GTSF1: variants seen among roughly 807,000 people sequenced by gnomAD.
The protein encoded by GTSF1 is gametocyte specific factor 1.
A neutral mutation model predicts 28.9 loss-of-function variants in GTSF1; 11 were observed. The ratio of observed to expected loss-of-function variants is 0.38; its 90% CI spans 0.24 to 0.63. The LOEUF (loss-of-function observed/expected upper bound fraction) is 0.63, where lower values mean the gene tolerates loss of function less well. Ranked by LOEUF, GTSF1 falls within the 30% of genes least tolerant of loss-of-function variation. The pLI, the probability that GTSF1 is intolerant of heterozygous loss-of-function variation, is 0.56. For missense variants in GTSF1, 146 were observed against 201.0 expected (o/e 0.73, Z 1.66); for synonymous variants, 69 against 65.6 (o/e 1.05, Z -0.25).
intron 2 of GTSF1, among the ~76,000 whole-genome samples, chr12:54,470,513 C>T (rs1447290200): frequency 1.3e-5 from 2 of 152,140 alleles, no homozygotes; most frequent in Admixed American, 1.3e-4. Context: ...TTAGTTGGAA[C>T]TTTTAATTAT....
rs539043324 is a variant in GTSF1, at chr12:54,461,442, G to C, written c.392+667C>G. On this transcript the variant is annotated intron_variant, in intron 6 of 8. Coordinates refer to ENST00000305879, the MANE Select transcript of GTSF1 (RefSeq NM_144594.3). ...ATGAGCAACACTTTGGGAGGCAGAGGGGGGAGGATCACTTGAGGCCAGAAG... is the reference window on the plus strand; with the variant it reads ...ATGAGCAACACTTTGGGAGGCAGAGCGGGGAGGATCACTTGAGGCCAGAAG... Among the ~76,000 whole-genome samples the C allele has an allele frequency of 1.4e-4, 21 of 152,130 alleles. No homozygotes were observed. The South Asian group carries it at 1.5e-3, about 11-fold the overall frequency.
chr12:54,469,584 A>G (rs1956568727), intron 2 of GTSF1, among the ~76,000 whole-genome samples: 2 of 150,360 alleles, frequency 1.3e-5, no homozygotes, highest in South Asian at 4.2e-4. Context: ...GCTACTCAGG[A>G]AGCTGAGGCA....
intron 2 of GTSF1, among the ~76,000 whole-genome samples, chr12:54,468,572 TA>T (rs1474062551): frequency 7.9e-5 from 12 of 152,254 alleles, no homozygotes; most frequent in African/African-American, 2.7e-4. Flanking sequence ...GAAGTAGGTC[TA>T]TTTGACAAGC....
chr12:54,468,383 A>G (rs1406020519), intron 2 of GTSF1, among the ~76,000 whole-genome samples: 1 of 152,138 alleles, frequency 6.6e-6, no homozygotes. Context: ...AGCCTCCCAA[A>G]GTGGTGGGAT....
chr12:54,460,509 T>C, intron 6 of GTSF1, 38 bp from the exon 7 acceptor site: 1 of 1,411,538 alleles, frequency 7.1e-7, no homozygotes, highest in East Asian at 2.3e-5. Context: ...GGCAGATCAG[T>C]ATCATTCAAG....
At chr12:54,469,895 A>G (rs1445960012) in intron 2 of GTSF1, among the ~76,000 whole-genome samples, 1 of 152,032 alleles carries the variant, frequency 6.6e-6, no homozygotes, top group African/African-American at 2.4e-5. Flanking sequence ...TAAGAAGGCT[A>G]GGTGTGGTGG....
chr12:54,459,805 C>A (rs1956393060), intron 7 of GTSF1, among the ~76,000 whole-genome samples: 1 of 140,690 alleles, frequency 7.1e-6, no homozygotes, highest in Non-Finnish European at 1.5e-5. Flanking sequence ...CGGCTCACTG[C>A]AAGCTCCGCC....
intron 6 of GTSF1, 60 bp downstream of exon 6, chr12:54,462,049 C>T: frequency 7.7e-7 from 1 of 1,298,496 alleles, no homozygotes; most frequent in Non-Finnish European, 1.1e-6. Flanking sequence ...GGTGGCTTCT[C>T]TTGGTAACAG....
At chr12:54,470,252 G>C (rs1318461941) in intron 2 of GTSF1, among the ~76,000 whole-genome samples, 1 of 152,174 alleles carries the variant, frequency 6.6e-6, no homozygotes, top group Non-Finnish European at 1.5e-5. Context: ...CCTCAGATCA[G>C]CATCACCCTG....
chr12:54,458,829 T>C (rs983338098), intron 8 of GTSF1, among the ~76,000 whole-genome samples: 6 of 148,956 alleles, frequency 4.0e-5, no homozygotes, highest in Non-Finnish European at 7.4e-5. Context: ...AATGCAACTT[T>C]GATAAAAAAA....
In GTSF1 at chr12:54,467,988, C is replaced by T. The variant is rs918353867; in HGVS notation, c.17-2821G>A. 2.4e-4 allele frequency among the ~76,000 whole-genome samples: 35 copies of T among 147,868 alleles called. 1 individual carries two copies. The highest frequency in any genetic ancestry group is 7.5e-4 in the African/African-American group (30 of 40,140). ...ACTGGCCAGGCTGGTCTCAAACTCC[C>T]GACCTCAGGTGATCCACCTGCCTCA... On this transcript the variant is annotated intron_variant, in intron 2 of 8. Transcript: ENST00000305879.
At chr12:54,465,312 T>C (rs1194135744) in intron 2 of GTSF1, 145 bp from the exon 3 acceptor site, 1 of 491,180 alleles carries the variant, frequency 2.0e-6, no homozygotes, top group Non-Finnish European at 3.7e-6. Flanking sequence ...AAAAAAAGGG[T>C]GACTACACTT....
Position 54,462,632 on chromosome 12 carries a change from G to T in GTSF1, c.328+10C>A, listed in dbSNP as rs1317402444. ...GACATTGTGAAGAAAAAGATGTAGA[G>T]GCAGCTCACCTTTATCCCAGTCTTC... On this transcript the variant is annotated intron_variant, in intron 5 of 8. Coordinates refer to ENST00000305879, the MANE Select transcript of GTSF1 (RefSeq NM_144594.3). The T allele has an allele frequency of 1.9e-6, 3 of 1,603,326 alleles. No individual in the cohort carries two copies. The highest frequency in any genetic ancestry group is 2.6e-6 in the Non-Finnish European group (3 of 1,172,020).
chr12:54,466,721 C>T (rs776272582), intron 2 of GTSF1: 5 of 151,586 alleles, frequency 3.3e-5, no homozygotes, highest in Non-Finnish European at 7.4e-5. Context: ...ATAATGAGAG[C>T]TTCTCATTGT....
chr12:54,468,274 C>G (rs917567990), intron 2 of GTSF1, among the ~76,000 whole-genome samples: 10 of 151,928 alleles, frequency 6.6e-5, no homozygotes, highest in African/African-American at 1.2e-4. Flanking sequence ...GGATTACAGG[C>G]ACACCTGTTT....
At position 54,463,249 on chromosome 12, in the gene GTSF1, G is replaced by A. The variant is rs1956452900; in HGVS notation, c.166C>T (p.Arg56Cys). ...ATTTCAGCTCGAGGAACCTGGTGGC[G>A]AGCATTGAAGGGACAAGTAGCCAAT... ...SKLATCPFNA[R>C]HQVPRAEISH... Residue 56 changes from arginine (R) to cysteine (C), a missense_variant, in exon 4 of 9, where the codon CGC (arginine) becomes TGC (cysteine). Transcript: ENST00000305879. 4 of 1,613,886 alleles carry A rather than the reference G, an allele frequency of 2.5e-6. No homozygotes were observed. Among genetic ancestry groups the A allele is most frequent in the South Asian group, 1.1e-5 (1 of 91,062 alleles).
chr12:54,465,486 T>C (rs1956497801), intron 2 of GTSF1, among the ~76,000 whole-genome samples: 2 of 152,172 alleles, frequency 1.3e-5, no homozygotes, highest in African/African-American at 4.8e-5. Flanking sequence ...CTAAAAGTGC[T>C]AATTCAGGGT....
At chr12:54,468,192 C>T (rs764950126) in intron 2 of GTSF1, among the ~76,000 whole-genome samples, 8 of 152,064 alleles carry the variant, frequency 5.3e-5, no homozygotes, top group African/African-American at 7.2e-5. Context: ...TGCAGTGGTG[C>T]GATCTTGGCT....
chr12:54,459,307 A>G, intron 7 of GTSF1, 182 bp from the exon 8 acceptor site: 2 of 1,439,646 alleles, frequency 1.4e-6, no homozygotes. Context: ...ATAGACCTTT[A>G]CCTACCAAGC....
Sources: allele counts gnomAD v4.1 joint callset (sites outside exome capture counted in the v4.1 genomes callset), GRCh38; gene constraint gnomAD v4.1.1; transcripts MANE v1.5; gene names NCBI Gene and HGNC (gene_info 2026-07-23, HGNC 2026-07-21).